The following ARHGAP20 variants were observed in gnomAD, a reference collection of about 807,000 sequenced individuals.
ARHGAP20 encodes the protein Rho GTPase activating protein 20.
In ARHGAP20, 34 loss-of-function variants were observed where a neutral mutation model predicts 73.7. The ratio of observed to expected loss-of-function variants is 0.46; its 90% CI spans 0.35 to 0.61. ARHGAP20 has a LOEUF of 0.61. ARHGAP20 is among the 20% of genes least tolerant of loss of function. ARHGAP20 has a pLI of 0.00. For missense variants in ARHGAP20, 1,314 were observed against 1,420.9 expected (o/e 0.92, Z 1.21); for synonymous variants, 523 against 518.2 (o/e 1.01, Z -0.13).
chr11:110,684,495 T>A (rs559160343), intron 2 of ARHGAP20, among the ~76,000 whole-genome samples: 1 of 152,120 alleles, frequency 6.6e-6, no homozygotes, highest in Admixed American at 6.6e-5. Context: ...TCAACTCCTA[T>A]GAAAAATAGT....
At chr11:110,583,498 C>A in intron 13 of ARHGAP20, 50 bp downstream of exon 13, 1 of 1,432,154 alleles carries the variant, frequency 7.0e-7, no homozygotes, top group South Asian at 1.5e-5. Flanking sequence ...ATTTCAGTTT[C>A]AAAACGGGGA....
intron 4 of ARHGAP20, among the ~76,000 whole-genome samples, chr11:110,619,527 A>G (rs1948575451): frequency 6.6e-6 from 1 of 151,810 alleles, no homozygotes; most frequent in Non-Finnish European, 1.5e-5. Flanking sequence ...ATGCAGTGAT[A>G]GGGTATATGC....
intron 1 of ARHGAP20, among the ~76,000 whole-genome samples, chr11:110,694,646 A>G (rs1055337515): frequency 2.3e-4 from 35 of 151,674 alleles, no homozygotes; most frequent in Admixed American, 7.2e-4. Context: ...TCCTTCATAT[A>G]TGATGCCTCA....
At chr11:110,600,456 G>T (rs892459372) in intron 9 of ARHGAP20, among the ~76,000 whole-genome samples, 2 of 152,228 alleles carry the variant, frequency 1.3e-5, no homozygotes, top group Non-Finnish European at 2.9e-5. Context: ...TGCAGCAGCT[G>T]GTATGTCTGA....
chr11:110,620,680 GT>G (rs1948609734), intron 4 of ARHGAP20, among the ~76,000 whole-genome samples: 1 of 151,940 alleles, frequency 6.6e-6, no homozygotes, highest in African/African-American at 2.4e-5. Flanking sequence ...AATTATTATA[GT>G]TTTTTAAAAA....
At chr11:110,689,092 C>T (rs538814855) in intron 2 of ARHGAP20, among the ~76,000 whole-genome samples, 10 of 151,394 alleles carry the variant, frequency 6.6e-5, no homozygotes, top group African/African-American at 1.9e-4. Context: ...TCCGCCTCCC[C>T]GGTTCACGCC....
intron 2 of ARHGAP20, among the ~76,000 whole-genome samples, chr11:110,671,609 A>T (rs1433014139): frequency 6.6e-6 from 1 of 152,170 alleles, no homozygotes; most frequent in Non-Finnish European, 1.5e-5. Context: ...AAAAATCTAC[A>T]TTAAAGCTAA....
intron 1 of ARHGAP20, among the ~76,000 whole-genome samples, chr11:110,710,315 G>A (rs1950622555): frequency 6.6e-6 from 1 of 152,044 alleles, no homozygotes; most frequent in Non-Finnish European, 1.5e-5. Context: ...GCTATGATAA[G>A]TAAAAAGAAT....
chr11:110,627,385 G>A (rs901172865), intron 3 of ARHGAP20, among the ~76,000 whole-genome samples: 12 of 152,076 alleles, frequency 7.9e-5, no homozygotes, highest in African/African-American at 1.9e-4. Flanking sequence ...GAGCCACTGC[G>A]CCTGGCCAAA....
intron 2 of ARHGAP20, among the ~76,000 whole-genome samples, chr11:110,670,777 C>T (rs1565469493): frequency 6.6e-6 from 1 of 152,002 alleles, no homozygotes; most frequent in Non-Finnish European, 1.5e-5. Context: ...CTGAAAAATA[C>T]TCCATAAGCC....
At chr11:110,702,288 A>G (rs922009343) in intron 1 of ARHGAP20, among the ~76,000 whole-genome samples, 1 of 152,192 alleles carries the variant, frequency 6.6e-6, no homozygotes, top group Non-Finnish European at 1.5e-5. Flanking sequence ...CAAAAACCAC[A>G]TGATTATCTC....
intron 4 of ARHGAP20, among the ~76,000 whole-genome samples, chr11:110,620,630 T>G (rs1399928352): frequency 6.6e-6 from 1 of 152,252 alleles, no homozygotes; most frequent in Non-Finnish European, 1.5e-5. Flanking sequence ...GAAAAACTTG[T>G]GTTAACATTT....
rs920094145 is a variant in ARHGAP20 at position 110,578,729 on chromosome 11, T to C, written c.*641A>G. ...CGACAAATACAACCAACAAAACTGATATCATGGTACCCATGGCTTTTGAGT... is the reference window on the plus strand; with the variant it reads ...CGACAAATACAACCAACAAAACTGACATCATGGTACCCATGGCTTTTGAGT... On this transcript the variant is annotated 3_prime_UTR_variant, in exon 15 of 15. Transcript: ENST00000683387. The C allele has an allele frequency of 9.1e-6, 9 of 985,354 alleles. No homozygotes were observed. The highest frequency in any genetic ancestry group is 9.6e-6 in the Non-Finnish European group (8 of 829,940). 61.0% of individuals were successfully genotyped at this position (985,354 alleles called of 1,614,324 possible). A position where few individuals can be genotyped will look rare whatever the true frequency, so the allele number is the denominator to read the frequency against.
chr11:110,665,626 TTAGA>T (rs1162141601), intron 2 of ARHGAP20, among the ~76,000 whole-genome samples: 1 of 152,124 alleles, frequency 6.6e-6, no homozygotes. Context: ...GGAGGCCAAC[TTAGA>T]TAGAATTCAC....
intron 12 of ARHGAP20, among the ~76,000 whole-genome samples, chr11:110,585,365 C>T (rs903749280): frequency 5.3e-5 from 8 of 151,502 alleles, no homozygotes; most frequent in South Asian, 4.2e-4. Flanking sequence ...GAATGGTTTA[C>T]GCCAAACTAT....
At position 110,582,331 on chromosome 11, in the gene ARHGAP20, C is replaced by A; in HGVS notation, c.1710G>T (p.Glu570Asp). The A allele has an allele frequency of 1.2e-6, 2 of 1,607,610 alleles. No homozygotes were observed. The highest frequency in any genetic ancestry group is 1.7e-6 in the Non-Finnish European group (2 of 1,174,158). Residue 570 changes from glutamate (E) to aspartate (D), a missense_variant, in exon 14 of 15, where the codon GAG becomes GAT. Physicochemically the swap from Glu to Asp is conservative, Grantham distance 45 (BLOSUM62 2). Transcript: ENST00000683387. ...REVSVRCDTR[E>D]NASDISCFQL... is the part of the protein sequence containing the mutation. ...AATTATTCACAATACCTGAGGCATT[C>A]TCTCTAGTGTCACATCTCACTGAAA...
chr11:110,643,638 G>A, intron 2 of ARHGAP20, among the ~76,000 whole-genome samples: 1 of 151,754 alleles, frequency 6.6e-6, no homozygotes, highest in Admixed American at 6.6e-5. Flanking sequence ...AGTATGCTTT[G>A]TATGATTTTT....
intron 1 of ARHGAP20, among the ~76,000 whole-genome samples, chr11:110,696,119 A>G (rs1950330946): frequency 6.6e-6 from 1 of 151,594 alleles, no homozygotes; most frequent in Admixed American, 6.6e-5. Flanking sequence ...GAACAAGCAA[A>G]TCTATAGAGA....
intron 3 of ARHGAP20, among the ~76,000 whole-genome samples, chr11:110,625,322 C>A (rs1031814086): frequency 1.3e-5 from 2 of 151,882 alleles, no homozygotes; most frequent in African/African-American, 4.8e-5. Context: ...CAGGCGTGAG[C>A]CACCGTGCCC....
Sources: allele counts gnomAD v4.1 joint callset (sites outside exome capture counted in the v4.1 genomes callset), GRCh38; gene constraint gnomAD v4.1.1; transcripts MANE v1.5; gene names NCBI Gene and HGNC (gene_info 2026-07-23, HGNC 2026-07-21).